SERINC5: variants seen among roughly 807,000 people sequenced by gnomAD.
The protein encoded by SERINC5 is chromosome 5 open reading frame 12.
Under a neutral mutation model 63.1 loss-of-function variants are expected in SERINC5, and 41 were observed. The ratio of observed to expected loss-of-function variants is 0.65; its 90% CI spans 0.51 to 0.84. SERINC5 has a LOEUF of 0.84. Ranked by LOEUF, SERINC5 falls within the 40% of genes least tolerant of loss-of-function variation. SERINC5 has a pLI of 0.00. For synonymous variants in SERINC5, 222 were observed against 215.2 expected (o/e 1.03, Z -0.28); for missense variants, 523 against 573.0 (o/e 0.91, Z 0.89).
At chr5:80,173,452 C>T (rs1013362337) in intron 5 of SERINC5, among the ~76,000 whole-genome samples, 42 of 151,966 alleles carry the variant, frequency 2.8e-4, no homozygotes, top group African/African-American at 9.7e-4. Flanking sequence ...AAAAATTAGC[C>T]GGGCATGGTG....
intron 2 of SERINC5, among the ~76,000 whole-genome samples, chr5:80,182,906 G>A (rs890065472): frequency 2.6e-5 from 4 of 152,094 alleles, no homozygotes; most frequent in African/African-American, 4.8e-5. Context: ...AATTTAATTT[G>A]CTTCCAGAGA....
At position 80,142,606 on chromosome 5, in the gene SERINC5, A is replaced by G; in HGVS notation, c.*1057T>C. 3.0e-6 allele frequency: 3 copies of G among 985,464 alleles called. No homozygotes were observed. The highest frequency in any genetic ancestry group is 3.6e-6 in the Non-Finnish European group (3 of 829,946). 61.0% of individuals were successfully genotyped at this position (985,464 alleles called of 1,614,324 possible). On this transcript the variant is annotated 3_prime_UTR_variant, in exon 12 of 12. Transcript: ENST00000507668. ...TCACATTAGCAAACCTACTCCAAGG[A>G]TGCCAGCATGAACCTGAACGGTATG...
intron 2 of SERINC5, among the ~76,000 whole-genome samples, chr5:80,197,504 G>C (rs1437809250): frequency 1.3e-5 from 2 of 152,072 alleles, no homozygotes; most frequent in South Asian, 2.1e-4. Context: ...AGGGAGTGGA[G>C]AGTGTAATGT....
At chr5:80,241,474 T>C (rs536852105) in intron 1 of SERINC5, among the ~76,000 whole-genome samples, 61 of 151,650 alleles carry the variant, frequency 4.0e-4, no homozygotes, top group Non-Finnish European at 6.0e-4. Context: ...TCTCAAATAA[T>C]AATAAGAAGA....
At chr5:80,147,429 G>T in intron 9 of SERINC5, 145 bp from the exon 10 acceptor site, 1 of 815,844 alleles carries the variant, frequency 1.2e-6, no homozygotes. Context: ...GGGTGTTGGT[G>T]ACAGGAAACC....
At chr5:80,239,284 C>T (rs1751847496) in intron 1 of SERINC5, among the ~76,000 whole-genome samples, 2 of 152,148 alleles carry the variant, frequency 1.3e-5, no homozygotes, top group Admixed American at 1.3e-4. Flanking sequence ...GGCTGCCAAC[C>T]AAAGACTTCC....
At chr5:80,229,982 G>C (rs1021441252) in intron 1 of SERINC5, among the ~76,000 whole-genome samples, 3 of 152,144 alleles carry the variant, frequency 2.0e-5, no homozygotes, top group Non-Finnish European at 2.9e-5. Context: ...TCTAAACCTA[G>C]TCACTCCAAA....
chr5:80,177,981 T>C lies in SERINC5; in HGVS notation c.279A>G (p.Arg93=). ...AGAAACAAGCCATTCCAAAACAGAC[T>C]CTATACACGGCAGAATATCCCACCA... ...EKLVGYSAVY[R]VCFGMACFFF... is the part of the protein sequence containing the mutation. The change falls in exon 3 of 12, where the codon AGA becomes AGG. Residue 93 remains arginine (R), a synonymous_variant. Transcript: ENST00000507668. 1.2e-6 allele frequency: 2 copies of C among 1,612,652 alleles called. No individual in the cohort carries two copies. Among genetic ancestry groups the C allele is most frequent in the Non-Finnish European group, 1.7e-6 (2 of 1,179,242 alleles).
chr5:80,140,322 A>G lies in SERINC5; in HGVS notation c.*3341T>C. On this transcript the variant is annotated 3_prime_UTR_variant, in exon 12 of 12. Transcript: ENST00000507668. ...CCCGTCTCCAAAAAAAAAAAAAAAA[A>G]AAAAAAAAAAGGCTTAGGGTGACAA... The G allele has an allele frequency of 1.1e-6, 1 of 928,502 alleles. No individual in the cohort carries two copies. The highest frequency in any genetic ancestry group is 1.3e-6 in the Non-Finnish European group (1 of 779,698). 57.5% of individuals were successfully genotyped at this position (928,502 alleles called of 1,614,324 possible).
chr5:80,232,157 C>G (rs1751471214), intron 1 of SERINC5, among the ~76,000 whole-genome samples: 1 of 150,006 alleles, frequency 6.7e-6, no homozygotes, highest in African/African-American at 2.5e-5. Context: ...GTAATCCCAG[C>G]ATTTTGGGAG....
At chr5:80,233,488 TA>T (rs1386659665) in intron 1 of SERINC5, among the ~76,000 whole-genome samples, 2 of 133,766 alleles carry the variant, frequency 1.5e-5, no homozygotes, top group Non-Finnish European at 1.6e-5. Context: ...AGGATAAGTT[TA>T]AAAAAAACTC....
intron 2 of SERINC5, among the ~76,000 whole-genome samples, chr5:80,182,094 T>C (rs1237657964): frequency 6.6e-6 from 1 of 152,234 alleles, no homozygotes; most frequent in African/African-American, 2.4e-5. Context: ...CTGGAACCTG[T>C]GTGCCTGCAG....
chr5:80,137,158 A>AAAAAAC (rs1484329469), downstream of SERINC5, among the ~76,000 whole-genome samples: 4 of 104,818 alleles, frequency 3.8e-5, no homozygotes, highest in African/African-American at 6.7e-5. Flanking sequence ...AAAAAAAAAA[A>AAAAAAC]AAAAACAAAA....
At chr5:80,151,679 A>G (rs543045530) in intron 8 of SERINC5, among the ~76,000 whole-genome samples, 30 of 152,326 alleles carry the variant, frequency 2.0e-4, no homozygotes, top group African/African-American at 6.7e-4. Flanking sequence ...CATTTTAAGC[A>G]AATATATACA....
intron 9 of SERINC5, 90 bp downstream of exon 9, chr5:80,150,792 T>A (rs145929792): frequency 1.1e-6 from 1 of 904,752 alleles, no homozygotes; most frequent in South Asian, 1.3e-5. Context: ...GATCACGGAA[T>A]GCAGACTGAT....
At position 80,222,807 on chromosome 5, in the gene SERINC5, C is replaced by G. The variant is rs543781295; in HGVS notation, c.28-19754G>C. Among the ~76,000 whole-genome samples, 5 of 152,182 alleles carry G rather than the reference C, an allele frequency of 3.3e-5. No individual in the cohort carries two copies. In the East Asian group the frequency reaches 9.7e-4, roughly 29 times the overall value. On this transcript the variant is annotated intron_variant, in intron 1 of 11. Coordinates refer to ENST00000507668, the MANE Select transcript of SERINC5 (RefSeq NM_001174072.3). ...CAGGCTGGTCTCGAACTCCTGGCCT[C>G]AGGTGATCCACCCGCCTCGGCCTCC...
At chr5:80,133,382 T>C (rs543603191) in intron 11 of SERINC5, among the ~76,000 whole-genome samples, 3 of 152,316 alleles carry the variant, frequency 2.0e-5, no homozygotes, top group East Asian at 3.9e-4. Flanking sequence ...CTGAGTTACA[T>C]ACTGGCAGCT....
At chr5:80,197,076 C>A (rs554064774) in intron 2 of SERINC5, among the ~76,000 whole-genome samples, 3 of 151,984 alleles carry the variant, frequency 2.0e-5, no homozygotes, top group African/African-American at 4.8e-5. Context: ...GGGCCAGGTG[C>A]GGTGGCTCAC....
At chr5:80,194,036 G>A (rs1749353949) in intron 2 of SERINC5, among the ~76,000 whole-genome samples, 1 of 152,122 alleles carries the variant, frequency 6.6e-6, no homozygotes, top group Non-Finnish European at 1.5e-5. Context: ...AGGTTCGATG[G>A]TCCCAACCCA....
Sources: allele counts gnomAD v4.1 joint callset (sites outside exome capture counted in the v4.1 genomes callset), GRCh38; gene constraint gnomAD v4.1.1; transcripts MANE v1.5; gene names NCBI Gene and HGNC (gene_info 2026-07-23, HGNC 2026-07-21).